NDUFA9: variants seen among roughly 807,000 people sequenced by gnomAD.
NDUFA9 encodes the protein NADH:ubiquinone oxidoreductase subunit A9, also known as NADH dehydrogenase [ubiquinone] 1 alpha subcomplex subunit 9, mitochondrial.
Under a neutral mutation model 45.9 loss-of-function variants are expected in NDUFA9, and 23 were observed. That is an observed-to-expected ratio of 0.50 (90% CI 0.36 to 0.71). The LOEUF is 0.71. Ranked by LOEUF, NDUFA9 falls within the 30% of genes least tolerant of loss-of-function variation. The pLI is 0.00. For missense variants in NDUFA9, 466 were observed against 488.2 expected (o/e 0.95, Z 0.43); for synonymous variants, 176 against 170.5 (o/e 1.03, Z -0.25).
chr12:4,679,930 G>A (rs998147976), intron 8 of NDUFA9, among the ~76,000 whole-genome samples: 3 of 152,208 alleles, frequency 2.0e-5, no homozygotes, highest in Admixed American at 1.3e-4. Flanking sequence ...CAGGAATTGA[G>A]AGGAGTTGGA....
At position 4,657,843 on chromosome 12, in the gene NDUFA9, A is replaced by G; in HGVS notation, c.410+4A>G. On this transcript the variant is annotated splice_donor_region_variant and intron_variant, in intron 4 of 10. Transcript: ENST00000266544. ...TTGGACGAGACTGGGAAACCAAGTAAGTCTTTGACTCTTGTTTCTTCTTTG... is the reference window on the plus strand; with the variant it reads ...TTGGACGAGACTGGGAAACCAAGTAGGTCTTTGACTCTTGTTTCTTCTTTG... 6.2e-7 allele frequency: 1 copy of G among 1,604,012 alleles called. No individual in the cohort carries two copies. Among genetic ancestry groups the G allele is most frequent in the Non-Finnish European group, 8.5e-7 (1 of 1,170,854 alleles).
chr12:4,666,620 G>GA (rs1302296129), intron 6 of NDUFA9, among the ~76,000 whole-genome samples: 2 of 129,538 alleles, frequency 1.5e-5, no homozygotes, highest in Non-Finnish European at 3.7e-5. Flanking sequence ...CCAGTATGTT[G>GA]AAAAGATTAT....
intron 5 of NDUFA9, among the ~76,000 whole-genome samples, chr12:4,662,178 C>A (rs1003322109): frequency 2.0e-5 from 3 of 152,210 alleles, no homozygotes; most frequent in African/African-American, 7.2e-5. Flanking sequence ...TGCCACCATA[C>A]TGTCCTTTTT....
rs1055732345 is a variant in NDUFA9 at position 4,687,443 on chromosome 12, C to A, written c.*335C>A. The A allele has an allele frequency of 5.7e-6, 1 of 176,988 alleles. No homozygotes were observed. Among genetic ancestry groups the A allele is most frequent in the East Asian group, 1.5e-4 (1 of 6,550 alleles). 11.0% of individuals were successfully genotyped at this position (176,988 alleles called of 1,614,324 possible). ...TTTAATGTCAAAGTATTGTAAAGAC[C>A]CCAAGTGATATGTGATTGTTTTTTA... On this transcript the variant is annotated 3_prime_UTR_variant, in exon 11 of 11. Coordinates refer to ENST00000266544, the MANE Select transcript of NDUFA9 (RefSeq NM_005002.5).
At chr12:4,675,101 A>G (rs764701919) in intron 8 of NDUFA9, among the ~76,000 whole-genome samples, 23 of 152,232 alleles carry the variant, frequency 1.5e-4, no homozygotes, top group Non-Finnish European at 3.2e-4. Context: ...AGAAATAAAG[A>G]TGTTCTTTGA....
intron 8 of NDUFA9, among the ~76,000 whole-genome samples, chr12:4,674,442 A>T (rs1233865349): frequency 6.6e-6 from 1 of 152,234 alleles, no homozygotes; most frequent in Non-Finnish European, 1.5e-5. Context: ...TTTCACATGC[A>T]AAGACACACA....
At chr12:4,664,202 T>G (rs967530972) in intron 6 of NDUFA9, among the ~76,000 whole-genome samples, 4 of 152,204 alleles carry the variant, frequency 2.6e-5, no homozygotes, top group African/African-American at 9.7e-5. Flanking sequence ...TGAGAAAGCT[T>G]GTTTTGAAGA....
At chr12:4,660,487 G>A (rs919788611) in intron 5 of NDUFA9, among the ~76,000 whole-genome samples, 1 of 152,110 alleles carries the variant, frequency 6.6e-6, no homozygotes, top group East Asian at 1.9e-4. Flanking sequence ...ACAGAAATGT[G>A]GGAGTTACCA....
intron 8 of NDUFA9, among the ~76,000 whole-genome samples, chr12:4,679,122 G>A (rs1211835912): frequency 6.6e-6 from 1 of 152,178 alleles, no homozygotes; most frequent in Non-Finnish European, 1.5e-5. Context: ...TTACATGTGT[G>A]AACCTCAAAA....
chr12:4,662,504 C>T (rs1945828651), intron 5 of NDUFA9, 29 bp from the exon 6 acceptor site: 1 of 1,564,540 alleles, frequency 6.4e-7, no homozygotes, highest in African/African-American at 1.4e-5. Context: ...TCTCTAAACT[C>T]AAAACAGGTT....
At chr12:4,667,223 G>C (rs1945858161) in intron 6 of NDUFA9, among the ~76,000 whole-genome samples, 1 of 152,080 alleles carries the variant, frequency 6.6e-6, no homozygotes, top group African/African-American at 2.4e-5. Flanking sequence ...TCCTTTATGA[G>C]GGCCTTAATC....
At chr12:4,649,283 C>G (rs952038210) in intron 1 of NDUFA9, 108 bp downstream of exon 1, 1 of 1,286,286 alleles carries the variant, frequency 7.8e-7, no homozygotes, top group African/African-American at 1.5e-5. Context: ...CCTAGGCACA[C>G]TCTGGTTTCT....
rs138785086 is a variant in NDUFA9, at chr12:4,668,451, C to T, written c.656-6C>T. ...TCAGTATAGTTCTCATTCTTTCTTC[C>T]GCTAGGTATGCATCGGTTTGGTCCT... On this transcript the variant is annotated splice_polypyrimidine_tract_variant and splice_region_variant and intron_variant, in intron 6 of 10. Transcript: ENST00000266544. 338 of 1,611,718 alleles carry T rather than the reference C, an allele frequency of 2.1e-4. No individual in the cohort carries two copies. The highest frequency in any genetic ancestry group is 1.8e-3 in the African/African-American group (137 of 74,972).
Position 4,654,281 on chromosome 12 carries a change from TTTTG to T in NDUFA9, c.50-7_50-4del. The T allele has an allele frequency of 1.9e-6, 3 of 1,604,466 alleles. No homozygotes were observed. Among genetic ancestry groups the T allele is most frequent in the East Asian group, 2.2e-5 (1 of 44,608 alleles). On this transcript the variant is annotated splice_polypyrimidine_tract_variant and splice_region_variant and intron_variant, in intron 1 of 10. Coordinates refer to ENST00000266544, the MANE Select transcript of NDUFA9 (RefSeq NM_005002.5). ...TTTGCCATGCTTGTATACTTTGGGG[TTTTG>T]TTTAAGGTTCTGCCATTACTGCAAT... is the stretch of plus-strand genomic sequence containing the variant.
At chr12:4,685,010 A>C (rs1945976339) in intron 9 of NDUFA9, 2 of 612,900 alleles carry the variant, frequency 3.3e-6, no homozygotes, top group Non-Finnish European at 5.8e-6. Flanking sequence ...TTTTAAGTTT[A>C]AGATCTGTTG....
chr12:4,653,541 G>A (rs1235274149), intron 1 of NDUFA9: 1 of 427,686 alleles, frequency 2.3e-6, no homozygotes, highest in Admixed American at 2.8e-5. Flanking sequence ...CTAGTACCAA[G>A]AACCTCAGTC....
At chr12:4,685,621 GC>G (rs1264220228) in intron 10 of NDUFA9, among the ~76,000 whole-genome samples, 2 of 152,112 alleles carry the variant, frequency 1.3e-5, no homozygotes, top group Admixed American at 6.6e-5. Flanking sequence ...CACTCTTCCA[GC>G]TACTTTCCTG....
intron 8 of NDUFA9, among the ~76,000 whole-genome samples, chr12:4,670,886 G>A (rs190156190): frequency 5.3e-5 from 8 of 152,290 alleles, no homozygotes; most frequent in East Asian, 3.9e-4. Context: ...ATAAATGAGC[G>A]GAAATGGCTT....
In NDUFA9 at chr12:4,657,925, T is replaced by C. The variant is rs534870199; in HGVS notation, c.410+86T>C. ...CGCTGGGCACCTTTTATGTGCCAGC[T>C]ATCACAGTGACATTTTCAATTAGTG... On this transcript the variant is annotated intron_variant, in intron 4 of 10. Transcript: ENST00000266544. The C allele has an allele frequency of 9.9e-6, 10 of 1,013,968 alleles. No individual in the cohort carries two copies. In the African/African-American group the frequency reaches 1.4e-4, roughly 14 times the overall value. The allele number at this position is 1,013,968 out of a possible 1,614,324, so 62.8% of individuals were successfully genotyped here.
Sources: allele counts gnomAD v4.1 joint callset (sites outside exome capture counted in the v4.1 genomes callset), GRCh38; gene constraint gnomAD v4.1.1; transcripts MANE v1.5; gene names NCBI Gene and HGNC (gene_info 2026-07-23, HGNC 2026-07-21).